Variants in CFH observed in about 807,000 individuals in gnomAD.
CFH encodes H factor 1 (complement).
In CFH, 53 loss-of-function variants were observed where a neutral mutation model predicts 147.3. The observed-to-expected ratio is 0.36, with a 90% CI of 0.29 to 0.45. The LOEUF (loss-of-function observed/expected upper bound fraction) is 0.45, where lower values mean the gene tolerates loss of function less well. CFH is among the 20% of genes least tolerant of loss of function. The pLI, the probability that CFH is intolerant of heterozygous loss-of-function variation, is 1.00. For synonymous variants in CFH, 536 were observed against 489.4 expected (o/e 1.10, Z -1.26); for missense variants, 1,380 against 1,498.0 (o/e 0.92, Z 1.30).
intron 19 of CFH, 31 bp from the exon 20 acceptor site, chr1:196,743,421 A>T: frequency 4.3e-6 from 7 of 1,613,552 alleles, no homozygotes; most frequent in Non-Finnish European, 5.9e-6. Flanking sequence ...AATGAACACT[A>T]GGTGGAACCA....
In CFH at chr1:196,747,146, T is replaced by C. The variant is rs1558187490; in HGVS notation, c.3529T>C (p.Tyr1177His). ...AATATCCCGAGAAATTATGGAAAAT[T>C]ATAACATAGCATTAAGGTGGACAGC... ...CVISREIMEN[Y>H]NIALRWTAKQ... The change falls in exon 22 of 22, where the codon TAT (tyrosine) becomes CAT (histidine). Residue 1177 changes from tyrosine (Y) to histidine (H), a missense_variant. Physicochemically the swap from Tyr to His is moderately conservative, Grantham distance 83. Around this residue, in one of 4 missense-constraint regions of CFH, gnomAD observed 123 missense variants for 185.3 expected, o/e 0.66. Transcript: ENST00000367429. 2 of 1,613,862 alleles carry C rather than the reference T, an allele frequency of 1.2e-6. No homozygotes were observed. The highest frequency in any genetic ancestry group is 1.7e-6 in the Non-Finnish European group (2 of 1,179,842).
At chr1:196,747,063 G>T (rs764885681) in intron 21 of CFH, 48 bp from the exon 22 acceptor site, 2 of 1,610,422 alleles carry the variant, frequency 1.2e-6, no homozygotes, top group East Asian at 4.5e-5. Flanking sequence ...AGTCTATGAA[G>T]ATTTGCATAC....
chr1:196,744,053 A>C (rs572336272), intron 20 of CFH, among the ~76,000 whole-genome samples: 1 of 152,282 alleles, frequency 6.6e-6, no homozygotes, highest in South Asian at 2.1e-4. Flanking sequence ...GACTGTATTT[A>C]TAAAAAGAAG....
chr1:196,734,577 G>A (rs412852), intron 15 of CFH, among the ~76,000 whole-genome samples: 107,310 of 151,814 alleles, frequency 0.71, 39,778 homozygotes, highest in East Asian at 0.95. Context: ...ACTTTAGGGG[G>A]TTGCAGGAGG....
In CFH at chr1:196,743,627, A is replaced by G. The variant is rs1196539263; in HGVS notation, c.3309A>G (p.Lys1103=). The change falls in exon 20 of 22, where the codon AAA becomes AAG. Residue 1103 remains lysine (K), a splice_region_variant and synonymous_variant. Coordinates refer to ENST00000367429, the MANE Select transcript of CFH (RefSeq NM_000186.4). The part of the protein sequence containing the change: ...NGNWTEPPQC[K]DSTGKCGPPP... ...ACTGGACGGAACCACCTCAATGCAAAGGTAGAGTATTATATTTCTTTTAAC... is the reference window on the plus strand; with the variant it reads ...ACTGGACGGAACCACCTCAATGCAAGGGTAGAGTATTATATTTCTTTTAAC... 1.9e-6 allele frequency: 3 copies of G among 1,613,932 alleles called. No individual in the cohort carries two copies. Among genetic ancestry groups the G allele is most frequent in the Admixed American group, 1.7e-5 (1 of 60,020 alleles).
At chr1:196,746,932 CA>C (rs1366190147) in intron 21 of CFH, among the ~76,000 whole-genome samples, 178 bp from the exon 22 acceptor site, 1 of 152,110 alleles carries the variant, frequency 6.6e-6, no homozygotes, top group Non-Finnish European at 1.5e-5. Context: ...ACCTCATTTT[CA>C]CATCGATTAC....
chr1:196,690,702 G>T (rs1441580586), intron 9 of CFH, among the ~76,000 whole-genome samples: 1 of 152,112 alleles, frequency 6.6e-6, no homozygotes, highest in Non-Finnish European at 1.5e-5. Flanking sequence ...CCTGCCCCTG[G>T]TGGAGTGCAC....
chr1:196,711,556 A>C (rs1263514702), intron 9 of CFH, among the ~76,000 whole-genome samples: 1 of 151,946 alleles, frequency 6.6e-6, no homozygotes, highest in Non-Finnish European at 1.5e-5. Flanking sequence ...CCCAAGGATT[A>C]CTTGTTTTAA....
At chr1:196,718,567 T>C (rs1460046586) in intron 11 of CFH, among the ~76,000 whole-genome samples, 1 of 152,046 alleles carries the variant, frequency 6.6e-6, no homozygotes, top group East Asian at 1.9e-4. Context: ...TTTGCTCTAA[T>C]TGAGAGGGGG....
intron 11 of CFH, among the ~76,000 whole-genome samples, chr1:196,717,138 G>A (rs1310030305): frequency 1.3e-5 from 2 of 151,996 alleles, no homozygotes; most frequent in Non-Finnish European, 2.9e-5. Flanking sequence ...TAAAAATAAG[G>A]AAATTATTAA....
At chr1:196,726,720 T>G (rs374390015) in intron 13 of CFH, 41 bp from the exon 14 acceptor site, 4 of 1,606,334 alleles carry the variant, frequency 2.5e-6, no homozygotes, top group African/African-American at 1.3e-5. Context: ...AACACATACA[T>G]CATGTTTTCA....
intron 11 of CFH, 35 bp from the exon 12 acceptor site, chr1:196,725,086 A>G (rs1369569551): frequency 9.0e-6 from 14 of 1,559,984 alleles, no homozygotes; most frequent in Non-Finnish European, 1.2e-5. Flanking sequence ...ATGATTAATT[A>G]TATATTCTCA....
At chr1:196,740,280 T>C (rs1195203466) in intron 17 of CFH, among the ~76,000 whole-genome samples, 1 of 152,232 alleles carries the variant, frequency 6.6e-6, no homozygotes, top group Non-Finnish European at 1.5e-5. Flanking sequence ...CCCCTTCTTA[T>C]TTCCTACAAT....
Position 196,713,824 on chromosome 1 carries a change from CA to C in CFH, c.1428del (p.Gln476HisfsTer4). ...TGCCTTAAAAGAAAAAGCGAAATAT[CA>C]ATGCAAACTAGGATATGTAACAGCA... is the stretch of plus-strand genomic sequence containing the variant. ...TYALKEKAKY[Q>X]CKLGYVTADG... On this transcript the variant is annotated frameshift_variant, in exon 10 of 22. Coordinates refer to ENST00000367429, the MANE Select transcript of CFH (RefSeq NM_000186.4). LOFTEE classifies it high-confidence loss of function. 6.2e-7 allele frequency: 1 copy of C among 1,611,750 alleles called. No homozygotes were observed. Among genetic ancestry groups the C allele is most frequent in the Non-Finnish European group, 8.5e-7 (1 of 1,178,434 alleles).
intron 4 of CFH, 76 bp from the exon 5 acceptor site, chr1:196,677,400 G>C: frequency 7.6e-7 from 1 of 1,322,998 alleles, no homozygotes; most frequent in Non-Finnish European, 1.1e-6. Flanking sequence ...TCCTGAGGAT[G>C]ATTTTATACA....
rs1228884243 is a variant in CFH at position 196,725,110 on chromosome 1, C to A, written c.1697-11C>A. 1.2e-6 allele frequency: 2 copies of A among 1,605,744 alleles called. No individual in the cohort carries two copies. On this transcript the variant is annotated splice_polypyrimidine_tract_variant and intron_variant, in intron 11 of 21. Transcript: ENST00000367429. ...TATATATTCTCATGAAATTATTTTA[C>A]CTTTTTCAAGAAAGAGAATGCGAAC...
chr1:196,747,285 T>A lies in CFH; in HGVS notation c.3668T>A (p.Leu1223Gln). ...TLRTTCWDGK[L>Q]EYPTCAKR is the part of the protein sequence containing the mutation. The stretch of plus-strand genomic sequence containing the variant: ...CGAACAACATGTTGGGATGGGAAAC[T>A]GGAGTATCCAACTTGTGCAAAAAGA... The change falls in exon 22 of 22, where the codon CTG (leucine) becomes CAG (glutamine). Residue 1223 changes from leucine to glutamine, a missense_variant. Leu to Gln is a moderately radical substitution (Grantham distance 113). Coordinates refer to ENST00000367429, the MANE Select transcript of CFH (RefSeq NM_000186.4). The A allele has an allele frequency of 6.2e-7, 1 of 1,614,090 alleles. No homozygotes were observed. Among genetic ancestry groups the A allele is most frequent in the Non-Finnish European group, 8.5e-7 (1 of 1,179,976 alleles).
intron 4 of CFH, chr1:196,676,956 C>A (rs1167418166): frequency 1.9e-5 from 3 of 154,206 alleles, no homozygotes; most frequent in Non-Finnish European, 2.9e-5. Flanking sequence ...CTGAGTCATT[C>A]TATAGTACAA....
chr1:196,714,694 GAGAGAGA>G (rs1558173531), intron 10 of CFH, among the ~76,000 whole-genome samples: 64 of 116,116 alleles, frequency 5.5e-4, no homozygotes, highest in African/African-American at 2.0e-3. Flanking sequence ...GAGAGAGAGA[GAGAGAGA>G]GAGAGAGAGA....
Sources: gnomAD v4.1 joint callset for allele counts (sites outside exome capture counted in the v4.1 genomes callset) on GRCh38, gnomAD v4.1.1 for gene constraint, gnomAD v4.1.1 regional missense constraint, MANE v1.5 for transcripts, NCBI Gene and HGNC (gene_info 2026-07-23, HGNC 2026-07-21) for gene names.